SORCS2: variants seen among roughly 807,000 people sequenced by gnomAD.
SORCS2 encodes the protein VPS10 domain-containing receptor SorCS2.
SORCS2 carries 100 observed loss-of-function variants against 141.6 expected under a neutral mutation model. The ratio of observed to expected loss-of-function variants is 0.71; its 90% confidence interval spans 0.60 to 0.83. The LOEUF is 0.83. SORCS2 is among the 40% of genes least tolerant of loss of function. SORCS2 has a pLI of 0.00. For synonymous variants in SORCS2, 789 were observed against 676.9 expected (o/e 1.17, Z -2.57); for missense variants, 1,646 against 1,560.2 (o/e 1.05, Z -0.93).
chr4:7,578,939 G>A (rs189982234), intron 3 of SORCS2, among the ~76,000 whole-genome samples: 3 of 152,312 alleles, frequency 2.0e-5, no homozygotes, highest in Admixed American at 6.5e-5. Context: ...CTGGCTGTGG[G>A]TGGATGTCAG....
At chr4:7,560,154 G>A (rs1380779514) in intron 3 of SORCS2, among the ~76,000 whole-genome samples, 1 of 152,220 alleles carries the variant, frequency 6.6e-6, no homozygotes, top group Non-Finnish European at 1.5e-5. Flanking sequence ...GAAATGGCTT[G>A]TAATTACCTT....
At chr4:7,708,100 C>G (rs1193365304) in intron 14 of SORCS2, among the ~76,000 whole-genome samples, 2 of 152,230 alleles carry the variant, frequency 1.3e-5, no homozygotes, top group East Asian at 3.8e-4. Flanking sequence ...CATTTCCCTT[C>G]CAGAGACCTG....
chr4:7,674,595 A>T (rs984269686), intron 8 of SORCS2, among the ~76,000 whole-genome samples: 29 of 147,952 alleles, frequency 2.0e-4, no homozygotes, highest in African/African-American at 3.5e-4. Context: ...AAAAAAAAAA[A>T]AAAAAAAAAA....
At chr4:7,638,535 G>A (rs1039296350) in intron 4 of SORCS2, 43 bp downstream of exon 4, 5 of 1,572,240 alleles carry the variant, frequency 3.2e-6, no homozygotes, top group Non-Finnish European at 4.3e-6. Context: ...TGGGGCTGGG[G>A]TCTGCTCGAC....
At chr4:7,377,727 CAGCTCAGGAAGTTTACATGGGG>C (rs1722749699) in intron 1 of SORCS2, among the ~76,000 whole-genome samples, 1 of 152,192 alleles carries the variant, frequency 6.6e-6, no homozygotes, top group African/African-American at 2.4e-5. Context: ...TTAGCTCAAT[CAGCTCAGGAAGTTTACATGGGG>C]AGCCTGATTT....
intron 2 of SORCS2, among the ~76,000 whole-genome samples, chr4:7,485,507 G>A (rs879334384): frequency 6.6e-5 from 10 of 152,244 alleles, no homozygotes; most frequent in Non-Finnish European, 1.3e-4. Context: ...CTGCCTTTGG[G>A]GCCCCATGGG....
chr4:7,577,565 A>G (rs1715835831), intron 3 of SORCS2, among the ~76,000 whole-genome samples: 1 of 120,246 alleles, frequency 8.3e-6, no homozygotes, highest in African/African-American at 3.3e-5. Flanking sequence ...TGGTTTGGAG[A>G]AGTTATATAG....
At chr4:7,367,585 G>T (rs1034306373) in intron 1 of SORCS2, among the ~76,000 whole-genome samples, 1 of 152,194 alleles carries the variant, frequency 6.6e-6, no homozygotes, top group Non-Finnish European at 1.5e-5. Context: ...GGCTCTTCTC[G>T]CTCAGGGCTG....
intron 2 of SORCS2, among the ~76,000 whole-genome samples, chr4:7,513,050 G>A (rs34340585): frequency 0.31 from 46,991 of 152,012 alleles, 7,845 homozygotes; most frequent in Middle Eastern, 0.4. Flanking sequence ...TGCCTTCTCT[G>A]AGGGCAGAAG....
At chr4:7,235,993 G>A (rs1712241698) in intron 1 of SORCS2, among the ~76,000 whole-genome samples, 1 of 152,184 alleles carries the variant, frequency 6.6e-6, no homozygotes, top group African/African-American at 2.4e-5. Flanking sequence ...TGAAGATGGA[G>A]CAGAAAACAA....
chr4:7,292,291 C>G (rs1322784660), intron 1 of SORCS2, among the ~76,000 whole-genome samples: 1 of 150,850 alleles, frequency 6.6e-6, no homozygotes, highest in South Asian at 2.1e-4. Context: ...CCCCACCATT[C>G]GCAGTCTGTT....
At chr4:7,519,900 C>A (rs997387813) in intron 2 of SORCS2, among the ~76,000 whole-genome samples, 17 of 152,346 alleles carry the variant, frequency 1.1e-4, no homozygotes, top group African/African-American at 3.8e-4. Flanking sequence ...TCCTGGGCTC[C>A]CCTGTTAAGC....
chr4:7,421,085 G>A (rs965293438), intron 2 of SORCS2, among the ~76,000 whole-genome samples: 3 of 152,150 alleles, frequency 2.0e-5, no homozygotes, highest in African/African-American at 7.2e-5. Flanking sequence ...AGGGACCCTA[G>A]GGCTGTTTCG....
intron 5 of SORCS2, among the ~76,000 whole-genome samples, chr4:7,655,431 C>A (rs1037525228): frequency 2.0e-5 from 3 of 152,208 alleles, no homozygotes; most frequent in Non-Finnish European, 4.4e-5. Context: ...TTCCAAAGCT[C>A]CAATTAAAAA....
chr4:7,402,591 A>T (rs890150668), intron 2 of SORCS2, among the ~76,000 whole-genome samples: 1 of 152,194 alleles, frequency 6.6e-6, no homozygotes, highest in African/African-American at 2.4e-5. Flanking sequence ...TGCCACTCCA[A>T]TCAGGGCTGC....
chr4:7,433,383 G>T, intron 2 of SORCS2: 1 of 1,491,524 alleles, frequency 6.7e-7, no homozygotes. Flanking sequence ...GCACAGCGTT[G>T]CACAGCTTGG....
rs369524625 is a variant in SORCS2 at position 7,602,336 on chromosome 4, G to A, written c.649-35992G>A. On this transcript the variant is annotated intron_variant, in intron 3 of 26. Coordinates refer to ENST00000507866, the MANE Select transcript of SORCS2 (RefSeq NM_020777.3). ...CTCCTGGAGGGGGCGGCTGCTGGGC[G>A]GAGACGCTCCTCACTTCCCAGACGG... Among the ~76,000 whole-genome samples, 618 of 151,888 alleles carry A rather than the reference G, an allele frequency of 4.1e-3. 7 individuals carry two copies. Among genetic ancestry groups the A allele is most frequent in the East Asian group, 7.8e-3 (40 of 5,122 alleles).
chr4:7,352,344 C>T (rs1168297542), intron 1 of SORCS2, among the ~76,000 whole-genome samples: 2 of 152,202 alleles, frequency 1.3e-5, no homozygotes, highest in East Asian at 1.9e-4. Context: ...TGACCTAGTC[C>T]AGTCATTCAG....
chr4:7,482,814 A>G (rs371807319), intron 2 of SORCS2, among the ~76,000 whole-genome samples: 196 of 117,902 alleles, frequency 1.7e-3, no homozygotes, highest in African/African-American at 6.9e-3. Context: ...CTGTATCCCC[A>G]CTGCGGACAC....
Sources: allele counts gnomAD v4.1 joint callset (sites outside exome capture counted in the v4.1 genomes callset), GRCh38; gene constraint gnomAD v4.1.1; transcripts MANE v1.5; gene names NCBI Gene and HGNC (gene_info 2026-07-23, HGNC 2026-07-21).